USP46: variants seen among roughly 807,000 people sequenced by gnomAD.
The protein encoded by USP46 is ubiquitin carboxyl-terminal hydrolase 46.
A neutral mutation model predicts 44.4 loss-of-function variants in USP46; 12 were observed. That is an observed-to-expected ratio of 0.27 (90% CI 0.17 to 0.44). The LOEUF is 0.44. Ranked by LOEUF, USP46 falls within the 20% of genes least tolerant of loss-of-function variation. The pLI is 1.00. For missense variants in USP46, 248 were observed against 444.8 expected (o/e 0.56, Z 3.98); for synonymous variants, 155 against 161.5 (o/e 0.96, Z 0.31).
intron 1 of USP46, among the ~76,000 whole-genome samples, chr4:52,650,370 C>A (rs1306260992): frequency 3.3e-5 from 5 of 152,198 alleles, no homozygotes; most frequent in African/African-American, 1.2e-4. Flanking sequence ...TATCCACACA[C>A]AAACGTTGCA....
At chr4:52,656,561 T>C in intron 1 of USP46, 13 of 1,371,424 alleles carry the variant, frequency 9.5e-6, no homozygotes, top group Non-Finnish European at 1.2e-5. Context: ...ATCTCCACTG[T>C]CCCTTAAACA....
intron 1 of USP46, among the ~76,000 whole-genome samples, chr4:52,652,968 T>C (rs887569403): frequency 3.9e-5 from 6 of 152,124 alleles, no homozygotes; most frequent in Non-Finnish European, 7.4e-5. Context: ...AAAAGTGACA[T>C]TGGAACTTGA....
intron 1 of USP46, among the ~76,000 whole-genome samples, chr4:52,654,038 A>T (rs1439564892): frequency 6.6e-6 from 1 of 152,238 alleles, no homozygotes; most frequent in African/African-American, 2.4e-5. Context: ...ATTCTAACTA[A>T]ATACCAGCAT....
Position 52,620,221 on chromosome 4 carries a change from C to T in USP46, c.561+5797G>A, listed in dbSNP as rs529162024. Among the ~76,000 whole-genome samples, 222 of 152,222 alleles carry T rather than the reference C, an allele frequency of 1.5e-3. 1 individual carries two copies. The South Asian group carries it at 0.045, about 31-fold the overall frequency. ...CCTTTTCATAGAAAAACAACAACAA[C>T]AACAACAACTACAGATGTGTCTGAG... On this transcript the variant is annotated intron_variant, in intron 4 of 8. Coordinates refer to ENST00000441222, the MANE Select transcript of USP46 (RefSeq NM_022832.4).
intron 2 of USP46, among the ~76,000 whole-genome samples, chr4:52,630,252 A>C (rs184880614): frequency 6.6e-6 from 1 of 152,034 alleles, no homozygotes; most frequent in Admixed American, 6.6e-5. Flanking sequence ...TGCTGAGTGC[A>C]AAAAAAATGA....
chr4:52,617,070 T>C (rs962480206), intron 4 of USP46, among the ~76,000 whole-genome samples: 1 of 152,204 alleles, frequency 6.6e-6, no homozygotes, highest in African/African-American at 2.4e-5. Flanking sequence ...GTACCTAAAA[T>C]AATTCCCAGC....
chr4:52,618,083 ATT>A lies in USP46; in HGVS notation c.562-7468_562-7467del, dbSNP rs1448185867. 2.2e-4 allele frequency among the ~76,000 whole-genome samples: 34 copies of A among 152,316 alleles called. No individual in the cohort carries two copies. In the East Asian group the frequency reaches 6.6e-3, roughly 29 times the overall value. Reference sequence around the variant, plus strand: ...ATGAGCTTTGCTAAATTCTTAAGTAATTAAAATCATATTCAGGCCAGGCACAG... The same window carrying A: ...ATGAGCTTTGCTAAATTCTTAAGTAAAAAATCATATTCAGGCCAGGCACAG... On this transcript the variant is annotated intron_variant, in intron 4 of 8. Transcript: ENST00000441222.
rs374798923 is a variant in USP46, at chr4:52,597,300, A to G, written c.*340T>C. On this transcript the variant is annotated 3_prime_UTR_variant, in exon 9 of 9. Coordinates refer to ENST00000441222, the MANE Select transcript of USP46 (RefSeq NM_022832.4). ...CCCTGGAAGCCATAGAAGTTTAGCA[A>G]ACACCTAAAACAGACCGTAGACATT... The G allele has an allele frequency of 1.0e-4, 21 of 202,018 alleles. 1 individual carries two copies. Among genetic ancestry groups the G allele is most frequent in the African/African-American group, 5.0e-4 (21 of 42,174 alleles). The allele number at this position is 202,018 out of a possible 1,614,324, so 12.5% of individuals were successfully genotyped here.
intron 1 of USP46, chr4:52,656,434 C>A: frequency 1.5e-5 from 2 of 133,484 alleles, no homozygotes; most frequent in Admixed American, 2.6e-4. Flanking sequence ...ACAGTGGGGG[C>A]GGTGGGTGGG....
intron 1 of USP46, among the ~76,000 whole-genome samples, chr4:52,643,936 T>C (rs935652673): frequency 6.6e-6 from 1 of 152,150 alleles, no homozygotes; most frequent in African/African-American, 2.4e-5. Flanking sequence ...TTTTCAGTAA[T>C]TCTTTAGCTA....
chr4:52,597,526 G>A lies in USP46; in HGVS notation c.*114C>T. The A allele has an allele frequency of 1.4e-6, 1 of 707,570 alleles. No homozygotes were observed. The highest frequency in any genetic ancestry group is 2.7e-5 in the East Asian group (1 of 36,412). The allele number at this position is 707,570 out of a possible 1,614,324, so 43.8% of individuals were successfully genotyped here. A position where few individuals can be genotyped will look rare whatever the true frequency, so the allele number is the denominator to read the frequency against. On this transcript the variant is annotated 3_prime_UTR_variant, in exon 9 of 9. Transcript: ENST00000441222. ...GAGTCTAACACAGCCAGACCATTGA[G>A]ACTCGGAGTGATACCATTAGTGGGC... is the stretch of plus-strand genomic sequence containing the variant.
intron 3 of USP46, among the ~76,000 whole-genome samples, chr4:52,627,272 C>A (rs545609215): frequency 6.2e-4 from 95 of 152,248 alleles, no homozygotes; most frequent in African/African-American, 2.2e-3. Flanking sequence ...AAAACAAATA[C>A]CTGATTAACC....
At chr4:52,654,002 A>G (rs1398269493) in intron 1 of USP46, among the ~76,000 whole-genome samples, 2 of 152,250 alleles carry the variant, frequency 1.3e-5, no homozygotes, top group Admixed American at 6.5e-5. Context: ...TAAAGTTGTT[A>G]TACAGAAAAG....
intron 1 of USP46, among the ~76,000 whole-genome samples, chr4:52,632,270 C>T (rs1717858925): frequency 6.6e-6 from 1 of 152,142 alleles, no homozygotes; most frequent in South Asian, 2.1e-4. Flanking sequence ...TGTTGAGCCC[C>T]ACTAAGGGTC....
chr4:52,650,545 TGCTGTTTTTACAGTAA>T (rs1424296407), intron 1 of USP46, among the ~76,000 whole-genome samples: 1 of 152,212 alleles, frequency 6.6e-6, no homozygotes, highest in Non-Finnish European at 1.5e-5. Flanking sequence ...AAAGAGTTAG[TGCTGTTTTTACAGTAA>T]TATGTCTAAA....
intron 7 of USP46, among the ~76,000 whole-genome samples, chr4:52,601,240 A>C (rs1213670798): frequency 6.6e-6 from 1 of 152,204 alleles, no homozygotes; most frequent in Non-Finnish European, 1.5e-5. Context: ...GTGAATTTTC[A>C]AGATACTTTT....
intron 1 of USP46, among the ~76,000 whole-genome samples, chr4:52,656,124 A>C (rs761132868): frequency 1.3e-5 from 2 of 152,168 alleles, no homozygotes; most frequent in African/African-American, 2.4e-5. Flanking sequence ...TTCTGAACAC[A>C]TATCAGCCTG....
chr4:52,626,530 G>A (rs1023098768), intron 3 of USP46, among the ~76,000 whole-genome samples: 1 of 151,882 alleles, frequency 6.6e-6, no homozygotes, highest in Non-Finnish European at 1.5e-5. Context: ...TCACCATGTT[G>A]GCCAGGATGG....
chr4:52,656,425 CAG>C, intron 1 of USP46: 1 of 914,536 alleles, frequency 1.1e-6, no homozygotes, highest in Non-Finnish European at 1.4e-6. Flanking sequence ...CTGGGAGGGA[CAG>C]TGGGGGCGGT....
Sources: allele counts gnomAD v4.1 joint callset (sites outside exome capture counted in the v4.1 genomes callset), GRCh38; gene constraint gnomAD v4.1.1; transcripts MANE v1.5; gene names NCBI Gene and HGNC (gene_info 2026-07-23, HGNC 2026-07-21).